ZNF227: variants seen among roughly 807,000 people sequenced by gnomAD.
ZNF227 encodes the protein zinc finger protein 227.
A neutral mutation model predicts 13.2 loss-of-function variants in ZNF227; 12 were observed. The observed-to-expected ratio is 0.91, with a 90% CI of 0.58 to 1.47. ZNF227 has a LOEUF of 1.47. ZNF227 is among the 40% of genes most tolerant of loss of function. ZNF227 has a pLI of 0.00. For synonymous variants in ZNF227, 338 were observed against 326.0 expected (o/e 1.04, Z -0.40); for missense variants, 885 against 967.5 (o/e 0.91, Z 1.13).
upstream of ZNF227, among the ~76,000 whole-genome samples, chr19:44,211,381 A>G (rs1277866188): frequency 6.6e-6 from 1 of 152,230 alleles, no homozygotes; most frequent in Non-Finnish European, 1.5e-5. Flanking sequence ...AGTAAATGAG[A>G]ACTGCAAACA....
chr19:44,236,191 GA>G lies in ZNF227; in HGVS notation c.1762del (p.Arg588AspfsTer30). ...AGGAATGTGGGAAGGGCTTCAGTTGGAGATCAAATCTTCATGCACATCAAAG... is the reference window on the plus strand; with the variant it reads ...AGGAATGTGGGAAGGGCTTCAGTTGGGATCAAATCTTCATGCACATCAAAG... ...CEECGKGFSW[R>X]SNLHAHQRVH... On this transcript the variant is annotated frameshift_variant, in exon 6 of 6. Transcript: ENST00000313040. LOFTEE classifies it low-confidence loss of function (END_TRUNC). 6.2e-7 allele frequency: 1 copy of G among 1,614,036 alleles called. No individual in the cohort carries two copies. The highest frequency in any genetic ancestry group is 8.5e-7 in the Non-Finnish European group (1 of 1,179,996).
At chr19:44,216,958 G>GTTT (rs35474532) in intron 2 of ZNF227, among the ~76,000 whole-genome samples, 237 of 91,584 alleles carry the variant, frequency 2.6e-3, no homozygotes, top group African/African-American at 4.1e-3. Flanking sequence ...TCATCTGCTT[G>GTTT]TTTTTTTTTT....
intron 3 of ZNF227, among the ~76,000 whole-genome samples, chr19:44,222,692 A>G (rs1972672831): frequency 2.0e-5 from 3 of 149,790 alleles, no homozygotes; most frequent in Admixed American, 2.0e-4. Flanking sequence ...CTAGATATAC[A>G]ATCATGTCAT....
intron 5 of ZNF227, among the ~76,000 whole-genome samples, chr19:44,231,514 G>T (rs758214119): frequency 1.3e-5 from 2 of 150,152 alleles, no homozygotes; most frequent in Non-Finnish European, 3.0e-5. Flanking sequence ...TGTATTTTTA[G>T]TAGAGATGGG....
intron 2 of ZNF227, 195 bp from the exon 3 acceptor site, chr19:44,217,596 C>T (rs779504160): frequency 2.2e-5 from 16 of 741,922 alleles, no homozygotes; most frequent in East Asian, 7.6e-5. Context: ...GGATGCTGCA[C>T]TTGTGCAGAC....
At chr19:44,234,186 G>C (rs1974165493) in intron 5 of ZNF227, among the ~76,000 whole-genome samples, 1 of 152,176 alleles carries the variant, frequency 6.6e-6, no homozygotes, top group African/African-American at 2.4e-5. Flanking sequence ...CAGAGACCTG[G>C]ATTTCTACCA....
At chr19:44,223,470 A>G (rs1311818807) in intron 3 of ZNF227, among the ~76,000 whole-genome samples, 1 of 152,104 alleles carries the variant, frequency 6.6e-6, no homozygotes, top group Non-Finnish European at 1.5e-5. Flanking sequence ...CAGAGATTCA[A>G]CTTCTTCCTG....
chr19:44,217,808 T>G lies in ZNF227; in HGVS notation c.16T>G (p.Tyr6Asp). The G allele has an allele frequency of 6.2e-7, 1 of 1,614,220 alleles. No homozygotes were observed. Among genetic ancestry groups the G allele is most frequent in the South Asian group, 1.1e-5 (1 of 91,088 alleles). Reference protein sequence around the residue: MPSQNYDLPQKKQEKM... With the variant: MPSQNDDLPQKKQEKM... ...TCCCCCAGTTATGCCATCTCAGAAC[T>G]ATGACCTTCCCCAGAAGAAGCAGGA... The change falls in exon 3 of 6, where the codon TAT (tyrosine) becomes GAT (aspartate). Residue 6 changes from tyrosine to aspartate, a missense_variant. By Grantham distance (160) the Tyr-to-Asp change is radical. Transcript: ENST00000313040.
chr19:44,216,364 T>A (rs1034447580), intron 2 of ZNF227, among the ~76,000 whole-genome samples: 1 of 152,196 alleles, frequency 6.6e-6, no homozygotes, highest in Non-Finnish European at 1.5e-5. Flanking sequence ...TCAATCTAAT[T>A]GTTATTTCTT....
intron 3 of ZNF227, among the ~76,000 whole-genome samples, chr19:44,220,217 G>T (rs1220628384): frequency 6.6e-6 from 1 of 152,082 alleles, no homozygotes; most frequent in Admixed American, 6.6e-5. Context: ...CTTTGCTATT[G>T]TGAATAGTGC....
chr19:44,232,209 AATCTTAGCTTCTAGCACCAG>A lies in ZNF227; in HGVS notation c.271+2394_271+2413del, dbSNP rs550300697. Among the ~76,000 whole-genome samples, 11 of 152,340 alleles carry A rather than the reference AATCTTAGCTTCTAGCACCAG, an allele frequency of 7.2e-5. No homozygotes were observed. The South Asian group carries it at 1.4e-3, about 20-fold the overall frequency. On this transcript the variant is annotated intron_variant, in intron 5 of 5. Coordinates refer to ENST00000313040, the MANE Select transcript of ZNF227 (RefSeq NM_182490.3). ...AGTGTAATTTGCATCCACATGTATT[AATCTTAGCTTCTAGCACCAG>A]CAATGTGAGAAGCACTTTACATGTT... is the stretch of plus-strand genomic sequence containing the variant.
chr19:44,226,719 T>A (rs769568365), intron 3 of ZNF227, among the ~76,000 whole-genome samples: 1 of 152,220 alleles, frequency 6.6e-6, no homozygotes, highest in African/African-American at 2.4e-5. Flanking sequence ...TGACCCCTTG[T>A]GCTTCCCAAG....
rs559469171 is a variant in ZNF227 at position 44,234,026 on chromosome 19, C to T, written c.272-676C>T. ...AGGGAGCGAGAGAACAAGCAAGGCT[C>T]CCTGCTTTCTGGGAGGAAGTTTCCA... On this transcript the variant is annotated intron_variant, in intron 5 of 5. Coordinates refer to ENST00000313040, the MANE Select transcript of ZNF227 (RefSeq NM_182490.3). 3.3e-5 allele frequency among the ~76,000 whole-genome samples: 5 copies of T among 152,294 alleles called. No homozygotes were observed. The South Asian group carries it at 8.3e-4, about 25-fold the overall frequency.
chr19:44,226,810 AG>A (rs1279239571), intron 3 of ZNF227, among the ~76,000 whole-genome samples: 1 of 152,106 alleles, frequency 6.6e-6, no homozygotes, highest in Non-Finnish European at 1.5e-5. Flanking sequence ...GGCACTCCCT[AG>A]TGAGATGAAC....
At chr19:44,217,389 T>A (rs1182625668) in intron 2 of ZNF227, 2 of 465,718 alleles carry the variant, frequency 4.3e-6, no homozygotes, top group Non-Finnish European at 8.6e-6. Context: ...AGGTACGATT[T>A]ATGATTCTTA....
intron 3 of ZNF227, among the ~76,000 whole-genome samples, chr19:44,219,516 GAAA>G (rs150569597): frequency 6.6e-6 from 1 of 151,864 alleles, no homozygotes; most frequent in South Asian, 2.1e-4. Context: ...AGAAATTTAT[GAAA>G]AAAACTTCAC....
In ZNF227 at chr19:44,234,701, G is replaced by A; in HGVS notation, c.272-1G>A. On this transcript the variant is annotated splice_acceptor_variant, in intron 5 of 5. Transcript: ENST00000313040. LOFTEE classifies it high-confidence loss of function. ...ATATTGCCTTTTTTCTTTTTTAATA[G>A]GCAGCAAGCATCAAAATAAGATGGA... 6.4e-7 allele frequency: 1 copy of A among 1,572,514 alleles called. No homozygotes were observed. Among genetic ancestry groups the A allele is most frequent in the Non-Finnish European group, 8.6e-7 (1 of 1,166,034 alleles).
chr19:44,229,645 T>C, intron 4 of ZNF227, 88 bp from the exon 5 acceptor site: 1 of 669,524 alleles, frequency 1.5e-6, no homozygotes, highest in Non-Finnish European at 2.3e-6. Context: ...AATATCACTA[T>C]AGAGGTTGTG....
At chr19:44,216,529 G>T (rs906839281) in intron 2 of ZNF227, among the ~76,000 whole-genome samples, 1 of 152,102 alleles carries the variant, frequency 6.6e-6, no homozygotes, top group Non-Finnish European at 1.5e-5. Flanking sequence ...ATGCGAACTT[G>T]TATCTTTTAC....
Sources: gnomAD v4.1 joint callset for allele counts (sites outside exome capture counted in the v4.1 genomes callset) on GRCh38, gnomAD v4.1.1 for gene constraint, MANE v1.5 for transcripts, NCBI Gene and HGNC (gene_info 2026-07-23, HGNC 2026-07-21) for gene names.